ENOX1: variants seen among roughly 807,000 people sequenced by gnomAD.
ENOX1 encodes candidate growth-related and time keeping constitutive hydroquinone (NADH) oxidase.
ENOX1 carries 42 observed loss-of-function variants against 82.5 expected under a neutral mutation model. That is an observed-to-expected ratio of 0.51 (90% CI 0.40 to 0.66). The LOEUF is 0.66. Among genes scored for constraint, ENOX1 ranks in the 30% least tolerant of loss-of-function variants. The pLI is 0.00. For synonymous variants in ENOX1, 271 were observed against 282.2 expected (o/e 0.96, Z 0.40); for missense variants, 608 against 811.6 (o/e 0.75, Z 3.05).
At chr13:43,319,684 C>T (rs1218323256) in intron 11 of ENOX1, among the ~76,000 whole-genome samples, 1 of 152,142 alleles carries the variant, frequency 6.6e-6, no homozygotes, top group Non-Finnish European at 1.5e-5. Context: ...AGCACCTCCT[C>T]CCGGCACAGG....
In ENOX1 at chr13:43,214,246, G is replaced by T. The variant is rs2041342333; in HGVS notation, c.1801-125C>A. Reference sequence around the variant, plus strand: ...TTAGTTTTCTACTGGGCTGTCAGGGGGATGTCCTTATAGAAGGAACATTCA... The same window carrying T: ...TTAGTTTTCTACTGGGCTGTCAGGGTGATGTCCTTATAGAAGGAACATTCA... On this transcript the variant is annotated intron_variant, in intron 16 of 16. Coordinates refer to ENST00000690772, the MANE Select transcript of ENOX1 (RefSeq NM_001347969.2). 25 of 931,452 alleles carry T rather than the reference G, an allele frequency of 2.7e-5. No homozygotes were observed. In the East Asian group the frequency reaches 6.6e-4, roughly 25 times the overall value. The allele number at this position is 931,452 out of a possible 1,614,324, so 57.7% of individuals were successfully genotyped here. A position where few individuals can be genotyped will look rare whatever the true frequency, so the allele number is the denominator to read the frequency against.
intron 3 of ENOX1, among the ~76,000 whole-genome samples, chr13:43,413,683 T>TTA (rs1286586074): frequency 1.1e-3 from 162 of 142,602 alleles, no homozygotes; most frequent in Non-Finnish European, 1.8e-3. Flanking sequence ...ATTGCCCAGC[T>TTA]TATATATATA....
At chr13:43,660,085 C>A (rs2084646635) in intron 2 of ENOX1, among the ~76,000 whole-genome samples, 1 of 152,192 alleles carries the variant, frequency 6.6e-6, no homozygotes, top group Non-Finnish European at 1.5e-5. Context: ...TCAACTGTAT[C>A]TCCACTCTCC....
At chr13:43,409,802 G>A (rs959280348) in intron 5 of ENOX1, among the ~76,000 whole-genome samples, 2 of 152,072 alleles carry the variant, frequency 1.3e-5, no homozygotes, top group African/African-American at 2.4e-5. Flanking sequence ...GAAATACACA[G>A]AAAAAAGACT....
intron 15 of ENOX1, among the ~76,000 whole-genome samples, chr13:43,225,734 T>G (rs927272912): frequency 8.5e-5 from 13 of 152,172 alleles, no homozygotes; most frequent in Non-Finnish European, 1.8e-4. Flanking sequence ...ATCCTCAGGC[T>G]GAGAACAGAA....
At chr13:43,324,385 A>G (rs1286984527) in intron 10 of ENOX1, among the ~76,000 whole-genome samples, 2 of 152,212 alleles carry the variant, frequency 1.3e-5, no homozygotes, top group African/African-American at 2.4e-5. Flanking sequence ...GGGTGTTTCC[A>G]CAGGGTGCCT....
rs1392595483 is a variant in ENOX1 at position 43,213,891 on chromosome 13, G to C, written c.*99C>G. On this transcript the variant is annotated 3_prime_UTR_variant, in exon 17 of 17. Transcript: ENST00000690772. The stretch of plus-strand genomic sequence containing the variant: ...GGCAGGCTTCGATGGCTCCACAAAG[G>C]TTGCGTGCTGGACCAACCCCACACC... 8.7e-6 allele frequency: 12 copies of C among 1,382,684 alleles called. No homozygotes were observed. Among genetic ancestry groups the C allele is most frequent in the Non-Finnish European group, 1.2e-5 (12 of 1,027,196 alleles). The allele number at this position is 1,382,684 out of a possible 1,614,324, so 85.7% of individuals were successfully genotyped here.
intron 12 of ENOX1, among the ~76,000 whole-genome samples, chr13:43,287,552 A>AAGTC (rs2045768344): frequency 6.6e-6 from 1 of 152,188 alleles, no homozygotes; most frequent in African/African-American, 2.4e-5. Flanking sequence ...AGTGAAGCTG[A>AAGTC]AGTCACATTT....
intron 3 of ENOX1, among the ~76,000 whole-genome samples, chr13:43,424,969 T>C (rs974714565): frequency 6.6e-6 from 1 of 152,064 alleles, no homozygotes; most frequent in Admixed American, 6.6e-5. Flanking sequence ...AGGAAATGGG[T>C]CAAACCTTTA....
chr13:43,292,439 G>A (rs745850447), intron 12 of ENOX1, among the ~76,000 whole-genome samples: 5 of 152,030 alleles, frequency 3.3e-5, no homozygotes, highest in Non-Finnish European at 7.4e-5. Context: ...AAAAACAGAA[G>A]ACAAAAGTGA....
chr13:43,786,036 C>G lies in ENOX1; in HGVS notation c.-285+616G>C, dbSNP rs1469612453. Among the ~76,000 whole-genome samples, 1 of 152,070 alleles carries G rather than the reference C, an allele frequency of 6.6e-6. No individual in the cohort carries two copies. Among genetic ancestry groups the G allele is most frequent in the Non-Finnish European group, 1.5e-5 (1 of 68,008 alleles). ...CGCGTTGGGCCAGGCAGGGCGCGCTCCCGCCGACGAAGACCTGTCCAAGGT... is the reference window on the plus strand; with the variant it reads ...CGCGTTGGGCCAGGCAGGGCGCGCTGCCGCCGACGAAGACCTGTCCAAGGT... On this transcript the variant is annotated intron_variant, in intron 1 of 16. Transcript: ENST00000690772. The surrounding 1 kb of genome is among the most constrained non-coding windows in gnomAD (Gnocchi z 6.0).
intron 3 of ENOX1, among the ~76,000 whole-genome samples, chr13:43,462,434 G>A (rs2057529133): frequency 6.6e-6 from 1 of 152,132 alleles, no homozygotes; most frequent in African/African-American, 2.4e-5. Context: ...TTAGAAGTAG[G>A]CACCACTGGT....
Position 43,391,360 on chromosome 13 carries a change from C to T in ENOX1, c.208+20556G>A, listed in dbSNP as rs9567170. Among the ~76,000 whole-genome samples, 121 of 152,238 alleles carry T rather than the reference C, an allele frequency of 7.9e-4. 2 individuals carry two copies. In the East Asian group the frequency reaches 0.022, roughly 28 times the overall value. On this transcript the variant is annotated intron_variant, in intron 5 of 16. Transcript: ENST00000690772. The stretch of plus-strand genomic sequence containing the variant: ...TTCTCTTTATGCCATTTCCCTCATG[C>T]CCATGGTGCCAGTCATGCTGATGAA...
At chr13:43,624,318 A>C (rs537961438) in intron 2 of ENOX1, among the ~76,000 whole-genome samples, 4 of 152,200 alleles carry the variant, frequency 2.6e-5, no homozygotes, top group African/African-American at 9.6e-5. Context: ...ATTCTAGGGT[A>C]CTAGTCCTTT....
At chr13:43,397,510 C>A (rs1226692381) in intron 5 of ENOX1, among the ~76,000 whole-genome samples, 2 of 152,172 alleles carry the variant, frequency 1.3e-5, no homozygotes, top group Admixed American at 6.5e-5. Flanking sequence ...ATGGCGGTCA[C>A]AATGGTCCCA....
chr13:43,539,006 A>G (rs1039913519), intron 2 of ENOX1, among the ~76,000 whole-genome samples: 12 of 152,010 alleles, frequency 7.9e-5, no homozygotes, highest in Non-Finnish European at 1.8e-4. Context: ...TCATTTTTCA[A>G]GGATGGTGGT....
chr13:43,735,678 A>G (rs7984410), intron 1 of ENOX1, among the ~76,000 whole-genome samples: 151,570 of 152,174 alleles, frequency 1, 75,486 homozygotes, highest in South Asian at 1. Context: ...CTGAGATCAC[A>G]CCACTGCACT....
At position 43,610,315 on chromosome 13, in the gene ENOX1, G is replaced by A. The variant is rs745416525; in HGVS notation, c.-219+57164C>T. Among the ~76,000 whole-genome samples, 33 of 152,144 alleles carry A rather than the reference G, an allele frequency of 2.2e-4. 1 individual carries two copies. Among genetic ancestry groups the A allele is most frequent in the Non-Finnish European group, 1.6e-4 (11 of 68,022 alleles). On this transcript the variant is annotated intron_variant, in intron 2 of 16. Coordinates refer to ENST00000690772, the MANE Select transcript of ENOX1 (RefSeq NM_001347969.2). ...TGCATGGGAGCACTTTTCTTGTGCT[G>A]TGTATTCAACTGTGTATGCTTGTAC...
intron 1 of ENOX1, among the ~76,000 whole-genome samples, chr13:43,683,946 A>C (rs1427534390): frequency 6.6e-6 from 1 of 152,076 alleles, no homozygotes; most frequent in African/African-American, 2.4e-5. Context: ...CCTCTAAGCT[A>C]ATGAAGATGT....
Sources: allele counts gnomAD v4.1 joint callset (sites outside exome capture counted in the v4.1 genomes callset), GRCh38; gene constraint gnomAD v4.1.1; non-coding constraint Gnocchi (gnomAD v3.1); transcripts MANE v1.5; gene names NCBI Gene and HGNC (gene_info 2026-07-23, HGNC 2026-07-21).